Variants in SEC14L5 observed in about 807,000 individuals in gnomAD.
SEC14L5 encodes the protein SEC14 like lipid binding 5, also known as SEC14-like protein 5.
A neutral mutation model predicts 84.6 loss-of-function variants in SEC14L5; 96 were observed. The ratio of observed to expected loss-of-function variants is 1.13; its 90% CI spans 0.96 to 1.34. SEC14L5 has a LOEUF of 1.34. Ranked by LOEUF, SEC14L5 falls within the 40% of genes most tolerant of loss-of-function variation. SEC14L5 has a pLI of 0.00. For missense variants in SEC14L5, 1,224 were observed against 942.5 expected (o/e 1.30, Z -3.91); for synonymous variants, 546 against 383.4 (o/e 1.42, Z -4.95).
intron 2 of SEC14L5, among the ~76,000 whole-genome samples, chr16:4,962,720 G>C (rs1030657890): frequency 1.4e-5 from 2 of 144,804 alleles, no homozygotes; most frequent in African/African-American, 5.1e-5. Flanking sequence ...TTCCTTATCT[G>C]TACCTGCGTT....
chr16:5,004,322 A>G (rs1285408618), intron 11 of SEC14L5, among the ~76,000 whole-genome samples: 1 of 152,070 alleles, frequency 6.6e-6, no homozygotes, highest in Non-Finnish European at 1.5e-5. Context: ...GAAGCTTTTT[A>G]TCCTGAATTG....
In SEC14L5 at chr16:4,977,290, T is replaced by A. The variant is rs1843437736; in HGVS notation, c.64-10267T>A. ...GGTGAAACCCCATCTCTACTAAAAG[T>A]ACAAAAATTAGTTGGGTGTGGTGGT... is the stretch of plus-strand genomic sequence containing the variant. On this transcript the variant is annotated intron_variant, in intron 2 of 15. Coordinates refer to ENST00000251170, the MANE Select transcript of SEC14L5 (RefSeq NM_014692.2). Among the ~76,000 whole-genome samples the A allele has an allele frequency of 2.7e-5, 4 of 150,882 alleles. No homozygotes were observed. The South Asian group carries it at 8.4e-4, about 32-fold the overall frequency.
Position 4,965,528 on chromosome 16 carries a change from G to A in SEC14L5, c.63+6142G>A, listed in dbSNP as rs188682659. Among the ~76,000 whole-genome samples the A allele has an allele frequency of 9.9e-5, 15 of 151,622 alleles. No homozygotes were observed. In the East Asian group the frequency reaches 2.3e-3, roughly 24 times the overall value. On this transcript the variant is annotated intron_variant, in intron 2 of 15. Coordinates refer to ENST00000251170, the MANE Select transcript of SEC14L5 (RefSeq NM_014692.2). ...TACAAAAAATTAGCCGGGTGTGGTG[G>A]CGGGCGCCTGTAGTCCCAGCTACTC...
chr16:4,997,014 T>A lies in SEC14L5; in HGVS notation c.940T>A (p.Tyr314Asn). 3.1e-6 allele frequency: 5 copies of A among 1,612,710 alleles called. No homozygotes were observed. Among genetic ancestry groups the A allele is most frequent in the Non-Finnish European group, 4.2e-6 (5 of 1,179,374 alleles). ...ACCCCCTGCCCTGCTGGAGGAGTTC[T>A]ATGCAGGGGGCTGGCATTACCAGGA... ...WQPPALLEEFYAGGWHYQDID... is the reference protein window; with the variant it reads ...WQPPALLEEFNAGGWHYQDID... The change falls in exon 8 of 16, where the codon TAT becomes AAT. Residue 314 changes from tyrosine (Y) to asparagine (N), a missense_variant. Tyr to Asn is a moderately radical substitution (Grantham distance 143). Coordinates refer to ENST00000251170, the MANE Select transcript of SEC14L5 (RefSeq NM_014692.2).
At chr16:4,990,353 G>C (rs140895495) in intron 4 of SEC14L5, among the ~76,000 whole-genome samples, 2,464 of 152,224 alleles carry the variant, frequency 0.016, 60 homozygotes, top group African/African-American at 0.055. Flanking sequence ...AGTAGAGATG[G>C]AGTTTCACCA....
intron 8 of SEC14L5, among the ~76,000 whole-genome samples, chr16:4,999,345 C>T (rs892344686): frequency 6.6e-6 from 1 of 152,204 alleles, no homozygotes; most frequent in Non-Finnish European, 1.5e-5. Context: ...TGGCTCACAC[C>T]TGTAATCAGA....
rs1043383707 is a variant in SEC14L5 at position 5,012,346 on chromosome 16, C to T, written c.1979+1073C>T. Among the ~76,000 whole-genome samples, 9 of 152,160 alleles carry T rather than the reference C, an allele frequency of 5.9e-5. No homozygotes were observed. The South Asian group carries it at 1.2e-3, about 21-fold the overall frequency. ...GGCCAGAGGGGTGGGCTGGGCCAGA[C>T]GCTGCACACCAACCTGTCAAGGGTG... On this transcript the variant is annotated intron_variant, in intron 15 of 15. Transcript: ENST00000251170.
Position 5,016,166 on chromosome 16 carries a change from T to C in SEC14L5, c.*1196T>C, listed in dbSNP as rs2972283. The C allele has an allele frequency of 0.99, 151,430 of 152,280 alleles. 75,299 individuals carry two copies. Among genetic ancestry groups the C allele is most frequent in the Middle Eastern group, 1 (294 of 294 alleles). 9.4% of individuals were successfully genotyped at this position (152,280 alleles called of 1,614,324 possible). A position where few individuals can be genotyped will look rare whatever the true frequency, so the allele number is the denominator to read the frequency against. ...CCCCCGCGAGTGGAGGCTGCTGTGT[T>C]TGCCCTGGGGCAGATATGACTCTGG... On this transcript the variant is annotated 3_prime_UTR_variant, in exon 16 of 16. Transcript: ENST00000251170.
chr16:4,982,674 T>G (rs1955439377), intron 2 of SEC14L5, among the ~76,000 whole-genome samples: 1 of 152,190 alleles, frequency 6.6e-6, no homozygotes, highest in South Asian at 2.1e-4. Flanking sequence ...AAATCCTGTG[T>G]GAGACACACG....
chr16:4,973,493 T>C (rs1955303636), intron 2 of SEC14L5, among the ~76,000 whole-genome samples: 1 of 142,408 alleles, frequency 7.0e-6, no homozygotes, highest in Non-Finnish European at 1.6e-5. Flanking sequence ...GATGACTCAT[T>C]CAGCAAGCTC....
In SEC14L5 at chr16:5,004,551, C is replaced by T. The variant is rs143278195; in HGVS notation, c.1302+978C>T. On this transcript the variant is annotated intron_variant, in intron 11 of 15. Coordinates refer to ENST00000251170, the MANE Select transcript of SEC14L5 (RefSeq NM_014692.2). ...GGCCACCCCCAAGAGGAGGGAATGT[C>T]CTTGCAGAATCCTGGGGAAAGCTGG... 3.9e-5 allele frequency among the ~76,000 whole-genome samples: 6 copies of T among 152,072 alleles called. No individual in the cohort carries two copies. In the South Asian group the frequency reaches 6.3e-4, roughly 16 times the overall value.
At chr16:5,002,791 A>C (rs1415533643) in intron 10 of SEC14L5, among the ~76,000 whole-genome samples, 1 of 152,206 alleles carries the variant, frequency 6.6e-6, no homozygotes, top group Admixed American at 6.5e-5. Context: ...TCACACAGCA[A>C]GTGGCAGAAC....
intron 15 of SEC14L5, 65 bp from the exon 16 acceptor site, chr16:5,014,794 T>C: frequency 7.9e-7 from 1 of 1,265,598 alleles, no homozygotes; most frequent in Non-Finnish European, 1.1e-6. Flanking sequence ...TTTCCACTGC[T>C]GTGTGTCAGC....
intron 13 of SEC14L5, 123 bp downstream of exon 13, chr16:5,007,609 T>TC (rs1400964017): frequency 7.2e-5 from 40 of 555,826 alleles, no homozygotes; most frequent in Middle Eastern, 5.7e-4. Context: ...TTTCTTTCTT[T>TC]TTTTTTTTTT....
chr16:4,977,726 G>T (rs1484498590), intron 2 of SEC14L5, among the ~76,000 whole-genome samples: 2 of 151,938 alleles, frequency 1.3e-5, no homozygotes, highest in African/African-American at 4.8e-5. Flanking sequence ...GGGCTCCCTG[G>T]TCCCTTCTAG....
chr16:4,983,978 G>A (rs1041521801), intron 2 of SEC14L5, among the ~76,000 whole-genome samples: 5 of 152,140 alleles, frequency 3.3e-5, no homozygotes, highest in African/African-American at 1.2e-4. Flanking sequence ...CATACACTTG[G>A]AGAGAGAAAG....
At position 4,959,392 on chromosome 16, in the gene SEC14L5, T is replaced by A. The variant is rs1354557509; in HGVS notation, c.63+6T>A. The A allele has an allele frequency of 6.2e-7, 1 of 1,613,142 alleles. No individual in the cohort carries two copies. The highest frequency in any genetic ancestry group is 1.1e-5 in the South Asian group (1 of 91,056). The stretch of plus-strand genomic sequence containing the variant: ...CGTTTGAGCTGGTCATGGCGGTGAG[T>A]GACTCCTGATTCTTGGGCCCCCATG... On this transcript the variant is annotated splice_donor_region_variant and intron_variant, in intron 2 of 15. Transcript: ENST00000251170.
At position 5,008,402 on chromosome 16, in the gene SEC14L5, C is replaced by G. The variant is rs762688463; in HGVS notation, c.1573-19C>G. ...ACTCTCTCGGCCGTGACTCTCAGAC[C>G]TCGCCTGTCTCCACACAGGTGGCCG... On this transcript the variant is annotated intron_variant, in intron 13 of 15. Coordinates refer to ENST00000251170, the MANE Select transcript of SEC14L5 (RefSeq NM_014692.2). 2 of 1,580,034 alleles carry G rather than the reference C, an allele frequency of 1.3e-6. No homozygotes were observed. Among genetic ancestry groups the G allele is most frequent in the Non-Finnish European group, 1.7e-6 (2 of 1,155,370 alleles).
intron 2 of SEC14L5, among the ~76,000 whole-genome samples, chr16:4,965,238 C>A (rs1171794131): frequency 2.0e-5 from 3 of 152,086 alleles, no homozygotes; most frequent in African/African-American, 2.4e-5. Flanking sequence ...TATGAATAGA[C>A]CACATTTTCT....
Sources: gnomAD v4.1 joint callset for allele counts (sites outside exome capture counted in the v4.1 genomes callset) on GRCh38, gnomAD v4.1.1 for gene constraint, MANE v1.5 for transcripts, NCBI Gene and HGNC (gene_info 2026-07-23, HGNC 2026-07-21) for gene names.